Variants in RBFOX1 observed in about 807,000 individuals in gnomAD.
RBFOX1 encodes the protein RNA binding fox-1 homolog 1.
RBFOX1 carries 8 observed loss-of-function variants against 57.7 expected under a neutral mutation model. The observed-to-expected ratio is 0.14, with a 90% confidence interval of 0.08 to 0.25. RBFOX1 has a LOEUF of 0.25. Among genes scored for constraint, RBFOX1 ranks in the 10% least tolerant of loss-of-function variants. The pLI is 1.00. For synonymous variants in RBFOX1, 326 were observed against 222.4 expected (o/e 1.47, Z -4.15); for missense variants, 611 against 548.5 (o/e 1.11, Z -1.14).
At chr16:7,443,795 T>C (rs1049959648) in intron 4 of RBFOX1, among the ~76,000 whole-genome samples, 15 of 152,196 alleles carry the variant, frequency 9.9e-5, no homozygotes, top group Non-Finnish European at 2.2e-4. Flanking sequence ...ATTTTATACA[T>C]TACAAAACCG....
intron 1 of RBFOX1, among the ~76,000 whole-genome samples, chr16:6,124,678 G>C (rs2096576095): frequency 6.6e-6 from 1 of 151,840 alleles, no homozygotes; most frequent in Non-Finnish European, 1.5e-5. Context: ...AGTTGTTGTT[G>C]TTGTTTTTTG....
At chr16:7,628,689 T>C (rs939935949) in intron 10 of RBFOX1, among the ~76,000 whole-genome samples, 1 of 152,156 alleles carries the variant, frequency 6.6e-6, no homozygotes, top group Admixed American at 6.6e-5. Flanking sequence ...CTCGGCTTAC[T>C]GCAACCTCCA....
At chr16:7,200,524 C>T (rs138957751) in intron 4 of RBFOX1, among the ~76,000 whole-genome samples, 8 of 152,296 alleles carry the variant, frequency 5.3e-5, no homozygotes, top group African/African-American at 1.9e-4. Flanking sequence ...CAGACAACAT[C>T]ACTGCTTGCA....
chr16:7,225,954 G>C (rs1158175540), intron 4 of RBFOX1, among the ~76,000 whole-genome samples: 1 of 148,258 alleles, frequency 6.7e-6, no homozygotes, highest in Non-Finnish European at 1.5e-5. Flanking sequence ...ATGGGTGTCA[G>C]GAATAGCTGA....
intron 4 of RBFOX1, among the ~76,000 whole-genome samples, chr16:7,277,801 T>G (rs1450324661): frequency 6.6e-6 from 1 of 152,180 alleles, no homozygotes; most frequent in Non-Finnish European, 1.5e-5. Context: ...TCAGTTAAAA[T>G]GAAATTAGCA....
At chr16:5,332,096 C>T (rs958844897) in intron 1 of RBFOX1, among the ~76,000 whole-genome samples, 1 of 152,052 alleles carries the variant, frequency 6.6e-6, no homozygotes, top group Admixed American at 6.5e-5. Flanking sequence ...TTCTTGTTTT[C>T]CTTCTTATGT....
intron 1 of RBFOX1, among the ~76,000 whole-genome samples, chr16:5,312,064 T>C (rs940460243): frequency 6.6e-6 from 1 of 152,218 alleles, no homozygotes; most frequent in Non-Finnish European, 1.5e-5. Flanking sequence ...AGGGGCTGCA[T>C]GAATGAAACC....
At chr16:6,314,588 T>G (rs2080839174) in intron 1 of RBFOX1, among the ~76,000 whole-genome samples, 1 of 152,126 alleles carries the variant, frequency 6.6e-6, no homozygotes, top group Non-Finnish European at 1.5e-5. Context: ...TAGTGCACTG[T>G]GTCTTAAGTA....
At chr16:6,308,273 A>T (rs1408492923) in intron 1 of RBFOX1, among the ~76,000 whole-genome samples, 2 of 152,022 alleles carry the variant, frequency 1.3e-5, no homozygotes, top group Non-Finnish European at 2.9e-5. Flanking sequence ...ATATTTATTT[A>T]TTTGGATTGT....
At chr16:6,878,852 T>C (rs189880333) in intron 3 of RBFOX1, among the ~76,000 whole-genome samples, 41 of 146,676 alleles carry the variant, frequency 2.8e-4, no homozygotes, top group African/African-American at 1.1e-3. Context: ...GTTTTAAGGA[T>C]CAGAGAGAAA....
chr16:5,991,435 G>T (rs1191977570), intron 4 of RBFOX1, among the ~76,000 whole-genome samples: 2 of 152,138 alleles, frequency 1.3e-5, no homozygotes, highest in Admixed American at 6.5e-5. Flanking sequence ...CGTCACTGCA[G>T]CTTTGTGCTG....
intron 2 of RBFOX1, among the ~76,000 whole-genome samples, chr16:5,481,685 C>T (rs922831473): frequency 5.9e-5 from 9 of 152,188 alleles, no homozygotes; most frequent in Non-Finnish European, 1.2e-4. Flanking sequence ...GGCTGCCATC[C>T]CAAAGTACCA....
chr16:6,501,532 T>C (rs1054840417), intron 2 of RBFOX1, among the ~76,000 whole-genome samples: 2 of 151,990 alleles, frequency 1.3e-5, no homozygotes, highest in Non-Finnish European at 2.9e-5. Flanking sequence ...CTTAATCCAG[T>C]CTATCATTGT....
chr16:5,767,015 G>GTGT (rs2053805438), intron 3 of RBFOX1, among the ~76,000 whole-genome samples: 1 of 152,136 alleles, frequency 6.6e-6, no homozygotes, highest in African/African-American at 2.4e-5. Context: ...TTGCTTCTGG[G>GTGT]TGTTGTGGTT....
At chr16:5,960,376 C>G (rs2059724259) in intron 4 of RBFOX1, among the ~76,000 whole-genome samples, 2 of 152,092 alleles carry the variant, frequency 1.3e-5, no homozygotes, top group Non-Finnish European at 2.9e-5. Flanking sequence ...GAAGGTGACC[C>G]AAACCTATTA....
At chr16:5,314,420 G>A (rs966661028) in intron 1 of RBFOX1, among the ~76,000 whole-genome samples, 2 of 152,230 alleles carry the variant, frequency 1.3e-5, no homozygotes, top group Admixed American at 6.5e-5. Context: ...AGGGATCTGG[G>A]AGAAGCAGCA....
chr16:6,949,532 C>T (rs957279249), intron 3 of RBFOX1, among the ~76,000 whole-genome samples: 2 of 152,158 alleles, frequency 1.3e-5, no homozygotes, highest in Non-Finnish European at 2.9e-5. Flanking sequence ...TTGGGCCTCT[C>T]TCCCTGGTTT....
At chr16:7,300,406 A>G (rs1376981783) in intron 4 of RBFOX1, among the ~76,000 whole-genome samples, 2 of 152,358 alleles carry the variant, frequency 1.3e-5, no homozygotes, top group East Asian at 1.9e-4. Flanking sequence ...AAAGTTTTCT[A>G]AAGATACTTT....
At chr16:5,656,873 G>A (rs1389882267) in intron 3 of RBFOX1, among the ~76,000 whole-genome samples, 3 of 152,162 alleles carry the variant, frequency 2.0e-5, no homozygotes, top group East Asian at 1.9e-4. Flanking sequence ...ATAAGTAGGA[G>A]TTGAACAATG....
Sources: allele counts gnomAD v4.1 joint callset (sites outside exome capture counted in the v4.1 genomes callset), GRCh38; gene constraint gnomAD v4.1.1; transcripts MANE v1.5; gene names NCBI Gene and HGNC (gene_info 2026-07-23, HGNC 2026-07-21).